SPAG16: variants seen among roughly 807,000 people sequenced by gnomAD.
SPAG16 encodes the protein sperm-associated antigen 16 protein.
In SPAG16, 86 loss-of-function variants were observed where a neutral mutation model predicts 80.4. That is an observed-to-expected ratio of 1.07 (90% CI 0.90 to 1.28). The LOEUF (loss-of-function observed/expected upper bound fraction) is 1.28, where lower values mean the gene tolerates loss of function less well. SPAG16 is among the 50% of genes most tolerant of loss of function. The probability of loss-of-function intolerance (pLI) is 0.00; values close to 1 mark genes in which losing one functional copy is unlikely to be tolerated. For synonymous variants in SPAG16, 294 were observed against 265.9 expected, an observed-to-expected ratio of 1.11 and a Z score of -1.03; for missense variants, 870 against 765.3, an observed-to-expected ratio of 1.14 and a Z score of -1.61.
At chr2:213,640,596 A>G (rs373119928) in intron 10 of SPAG16, among the ~76,000 whole-genome samples, 77 of 152,114 alleles carry the variant, frequency 5.1e-4, no homozygotes, top group African/African-American at 1.8e-3. Flanking sequence ...CTGTGATGTG[A>G]TCTGTCTTCA....
intron 9 of SPAG16, among the ~76,000 whole-genome samples, chr2:213,486,820 C>G (rs2074000076): frequency 6.6e-6 from 1 of 151,880 alleles, no homozygotes. Flanking sequence ...GAGTATGAAA[C>G]AATTCATGAT....
At chr2:213,397,323 C>T (rs1333396805) in intron 9 of SPAG16, among the ~76,000 whole-genome samples, 2 of 152,160 alleles carry the variant, frequency 1.3e-5, no homozygotes, top group Non-Finnish European at 2.9e-5. Flanking sequence ...GTTCTCTCTA[C>T]TCCACTCAAA....
At chr2:214,000,170 A>G (rs1350369073) in intron 12 of SPAG16, among the ~76,000 whole-genome samples, 1 of 152,206 alleles carries the variant, frequency 6.6e-6, no homozygotes, top group Non-Finnish European at 1.5e-5. Context: ...CCCACATCTC[A>G]TCTTGAATTG....
At chr2:213,782,247 G>A (rs2070036274) in intron 10 of SPAG16, among the ~76,000 whole-genome samples, 1 of 151,598 alleles carries the variant, frequency 6.6e-6, no homozygotes, top group Admixed American at 6.6e-5. Context: ...AGGGAAGGAA[G>A]AAACTGTTTT....
intron 9 of SPAG16, among the ~76,000 whole-genome samples, chr2:213,475,492 A>G (rs2073322715): frequency 6.6e-6 from 1 of 152,154 alleles, no homozygotes; most frequent in Non-Finnish European, 1.5e-5. Flanking sequence ...GAGAGGGGAG[A>G]AAAGGCATGC....
intron 12 of SPAG16, among the ~76,000 whole-genome samples, chr2:213,938,496 T>A (rs2079076574): frequency 6.6e-6 from 1 of 152,050 alleles, no homozygotes; most frequent in Non-Finnish European, 1.5e-5. Context: ...ACTGTAATTA[T>A]TTGACTATCT....
At chr2:213,747,006 G>A (rs2067855817) in intron 10 of SPAG16, among the ~76,000 whole-genome samples, 1 of 152,076 alleles carries the variant, frequency 6.6e-6, no homozygotes, top group Non-Finnish European at 1.5e-5. Context: ...TCCATAAGAA[G>A]GTATTGTCAT....
chr2:214,110,946 T>C (rs1402819651), intron 14 of SPAG16, among the ~76,000 whole-genome samples: 1 of 152,250 alleles, frequency 6.6e-6, no homozygotes, highest in Non-Finnish European at 1.5e-5. Flanking sequence ...GAGAAGTGTC[T>C]GTTCATGTCC....
intron 11 of SPAG16, among the ~76,000 whole-genome samples, chr2:213,899,088 T>C (rs913951633): frequency 2.0e-5 from 3 of 152,126 alleles, no homozygotes; most frequent in Non-Finnish European, 4.4e-5. Flanking sequence ...CAGATTAGAA[T>C]AGAATAATGG....
At chr2:214,205,956 A>T (rs2058132472) in intron 15 of SPAG16, among the ~76,000 whole-genome samples, 1 of 152,034 alleles carries the variant, frequency 6.6e-6, no homozygotes, top group African/African-American at 2.4e-5. Flanking sequence ...ACACTTTGAG[A>T]GGCCGAGGTG....
At chr2:213,296,619 G>T in intron 2 of SPAG16, among the ~76,000 whole-genome samples, 1 of 152,162 alleles carries the variant, frequency 6.6e-6, no homozygotes, top group Admixed American at 6.5e-5. Flanking sequence ...GATGACAGAG[G>T]CTGTGAATGA....
chr2:213,666,241 G>A (rs2063597379), intron 10 of SPAG16, among the ~76,000 whole-genome samples: 1 of 151,948 alleles, frequency 6.6e-6, no homozygotes, highest in Non-Finnish European at 1.5e-5. Context: ...CTTTATTTCA[G>A]GGAGCTCTCA....
At chr2:213,639,535 A>G (rs2062505671) in intron 10 of SPAG16, among the ~76,000 whole-genome samples, 1 of 152,120 alleles carries the variant, frequency 6.6e-6, no homozygotes, top group Non-Finnish European at 1.5e-5. Flanking sequence ...ATCTTAGCTG[A>G]TAATTGTTTT....
At chr2:214,327,811 A>G (rs1297869091) in intron 15 of SPAG16, among the ~76,000 whole-genome samples, 1 of 152,146 alleles carries the variant, frequency 6.6e-6, no homozygotes, top group Admixed American at 6.5e-5. Context: ...TTTTTATTCA[A>G]ATGCCCATTA....
chr2:213,363,974 A>C, intron 7 of SPAG16, 102 bp from the exon 8 acceptor site: 1 of 409,458 alleles, frequency 2.4e-6, no homozygotes. Context: ...AGAGATTAAT[A>C]TTTTTTATAT....
chr2:214,353,457 G>T (rs778934670), intron 15 of SPAG16, among the ~76,000 whole-genome samples: 2 of 152,176 alleles, frequency 1.3e-5, no homozygotes, highest in Non-Finnish European at 2.9e-5. Flanking sequence ...ATTATAGAAT[G>T]TTCTGGTACC....
chr2:213,447,616 C>G (rs113692357), intron 9 of SPAG16, among the ~76,000 whole-genome samples: 3,574 of 152,294 alleles, frequency 0.023, 59 homozygotes, highest in African/African-American at 0.038. Flanking sequence ...ATCGGGCGTT[C>G]CCACCGCCAC....
At chr2:213,315,426 G>A (rs898328023) in intron 4 of SPAG16, among the ~76,000 whole-genome samples, 9 of 151,870 alleles carry the variant, frequency 5.9e-5, no homozygotes, top group South Asian at 4.2e-4. Context: ...TACTGCTTTT[G>A]TAATCGTCCC....
chr2:214,323,887 A>G (rs1267494204), intron 15 of SPAG16, among the ~76,000 whole-genome samples: 3 of 152,212 alleles, frequency 2.0e-5, no homozygotes, highest in Non-Finnish European at 4.4e-5. Context: ...AAGAAACATT[A>G]TATGTAAAGA....
Sources: gnomAD v4.1 joint callset for allele counts (sites outside exome capture counted in the v4.1 genomes callset) on GRCh38, gnomAD v4.1.1 for gene constraint, MANE v1.5 for transcripts, NCBI Gene and HGNC (gene_info 2026-07-23, HGNC 2026-07-21) for gene names.